Variants in GABRB1 observed in about 807,000 individuals in gnomAD.
GABRB1 encodes gamma-aminobutyric acid receptor subunit beta-1.
GABRB1 carries 17 observed loss-of-function variants against 51.6 expected under a neutral mutation model. The observed-to-expected ratio is 0.33, with a 90% CI of 0.23 to 0.49. The LOEUF (loss-of-function observed/expected upper bound fraction) is 0.49, where lower values mean the gene tolerates loss of function less well. GABRB1 is among the 20% of genes least tolerant of loss of function. The pLI is 0.99. For missense variants in GABRB1, 410 were observed against 600.6 expected (o/e 0.68, Z 3.32); for synonymous variants, 247 against 218.9 (o/e 1.13, Z -1.14).
intron 3 of GABRB1, among the ~76,000 whole-genome samples, chr4:47,094,229 C>T (rs1339882387): frequency 2.4e-5 from 3 of 126,614 alleles, no homozygotes; most frequent in Admixed American, 8.2e-5. Flanking sequence ...TCTTTTTTCT[C>T]TTTTTTTTTT....
At chr4:47,165,856 C>T (rs898924506) in intron 4 of GABRB1, among the ~76,000 whole-genome samples, 1 of 152,102 alleles carries the variant, frequency 6.6e-6, no homozygotes, top group Admixed American at 6.6e-5. Flanking sequence ...TTCCCAAGTG[C>T]TAATGAAATT....
chr4:47,069,058 A>G (rs1727203674), intron 3 of GABRB1, among the ~76,000 whole-genome samples: 1 of 152,050 alleles, frequency 6.6e-6, no homozygotes, highest in Non-Finnish European at 1.5e-5. Context: ...TCTTTCCTCC[A>G]TTTCCATTTT....
rs191623633 is a variant in GABRB1, at chr4:47,163,205, C to T, written c.461+1736C>T. ...AGTATATCAGTTGTATAGTAATGGG[C>T]TAATACCCCCTTACTCATTATTGGA... On this transcript the variant is annotated intron_variant, in intron 4 of 8. Transcript: ENST00000295454. Among the ~76,000 whole-genome samples, 6 of 152,082 alleles carry T rather than the reference C, an allele frequency of 3.9e-5. No individual in the cohort carries two copies. In the East Asian group the frequency reaches 9.7e-4, roughly 25 times the overall value.
chr4:47,063,732 C>A (rs1460796694), intron 3 of GABRB1, among the ~76,000 whole-genome samples: 1 of 152,140 alleles, frequency 6.6e-6, no homozygotes, highest in Non-Finnish European at 1.5e-5. Flanking sequence ...AGATCATGTT[C>A]TTTGCAGGGA....
intron 4 of GABRB1, among the ~76,000 whole-genome samples, chr4:47,259,282 T>C (rs915756793): frequency 2.6e-5 from 4 of 152,060 alleles, no homozygotes; most frequent in Admixed American, 6.6e-5. Flanking sequence ...GTTTAATGAT[T>C]TGGGTGATCC....
chr4:47,128,025 T>C (rs1242385786), intron 3 of GABRB1, among the ~76,000 whole-genome samples: 2 of 151,744 alleles, frequency 1.3e-5, no homozygotes, highest in African/African-American at 4.8e-5. Context: ...TCATTAATTA[T>C]ATTAAATATA....
intron 7 of GABRB1, among the ~76,000 whole-genome samples, chr4:47,405,917 G>A (rs1001353790): frequency 2.6e-5 from 4 of 152,058 alleles, no homozygotes; most frequent in African/African-American, 9.7e-5. Context: ...AACAAAATCT[G>A]TCTTTTATGA....
intron 1 of GABRB1, among the ~76,000 whole-genome samples, chr4:47,023,187 G>A (rs182616591): frequency 6.6e-6 from 1 of 151,966 alleles, no homozygotes; most frequent in Non-Finnish European, 1.5e-5. Context: ...GAAGAGTAGT[G>A]GGGGGCCTGA....
intron 8 of GABRB1, among the ~76,000 whole-genome samples, chr4:47,413,691 T>C (rs1728830259): frequency 6.6e-6 from 1 of 152,228 alleles, no homozygotes; most frequent in Non-Finnish European, 1.5e-5. Context: ...AGAGTGGCCT[T>C]GTTCAGTTGT....
chr4:47,194,631 C>G (rs1719573841), intron 4 of GABRB1, among the ~76,000 whole-genome samples: 1 of 152,150 alleles, frequency 6.6e-6, no homozygotes, highest in African/African-American at 2.4e-5. Context: ...ATCAGTGCTG[C>G]ACAAAAGTTA....
upstream of GABRB1, among the ~76,000 whole-genome samples, chr4:47,026,844 T>C (rs1389150566): frequency 1.3e-5 from 2 of 152,060 alleles, no homozygotes; most frequent in Non-Finnish European, 2.9e-5. Flanking sequence ...TATTTTATGC[T>C]GGCAACATTT....
At chr4:47,386,294 T>A (rs1727792627) in intron 5 of GABRB1, among the ~76,000 whole-genome samples, 1 of 152,162 alleles carries the variant, frequency 6.6e-6, no homozygotes, top group South Asian at 2.1e-4. Flanking sequence ...GTGTCAGGAA[T>A]GAGGGACAAA....
intron 1 of GABRB1, among the ~76,000 whole-genome samples, chr4:47,019,625 C>CTCTCTCTCTCTTTCTCTCTTTCTT (rs1274221477): frequency 1.1e-5 from 1 of 91,062 alleles, no homozygotes. Context: ...TTCTTTCTCT[C>CTCTCTCTCTCTTTCTCTCTTTCTT]TCTTTCTTTC....
chr4:47,110,230 A>T (rs1227432886), intron 3 of GABRB1, among the ~76,000 whole-genome samples: 1 of 152,086 alleles, frequency 6.6e-6, no homozygotes, highest in Non-Finnish European at 1.5e-5. Context: ...CCATCATCCC[A>T]TCTTCCATCT....
chr4:47,359,269 G>C (rs181820532), intron 5 of GABRB1, among the ~76,000 whole-genome samples: 39 of 152,242 alleles, frequency 2.6e-4, no homozygotes, highest in Admixed American at 2.2e-3. Flanking sequence ...CCCCTTAGCA[G>C]TGAACATCAT....
At chr4:47,176,999 C>T (rs1718731340) in intron 4 of GABRB1, among the ~76,000 whole-genome samples, 1 of 152,112 alleles carries the variant, frequency 6.6e-6, no homozygotes, top group South Asian at 2.1e-4. Flanking sequence ...TGAAACCAGT[C>T]ATCTGATTTC....
intron 4 of GABRB1, among the ~76,000 whole-genome samples, chr4:47,309,314 A>G (rs1724581316): frequency 6.6e-6 from 1 of 151,670 alleles, no homozygotes; most frequent in African/African-American, 2.4e-5. Context: ...ACTGCTTTTC[A>G]TATTTATAAA....
chr4:47,351,770 T>C (rs1017678837), intron 5 of GABRB1, among the ~76,000 whole-genome samples: 2 of 151,874 alleles, frequency 1.3e-5, no homozygotes, highest in Admixed American at 1.3e-4. Context: ...TAGTATTCCA[T>C]GGTGTATATG....
At chr4:47,005,033 G>A (rs1232020666) in intron 1 of GABRB1, among the ~76,000 whole-genome samples, 5 of 152,186 alleles carry the variant, frequency 3.3e-5, no homozygotes, top group Non-Finnish European at 5.9e-5. Context: ...AGCCAAGAGT[G>A]GGCCTAGGGG....
Sources: allele counts gnomAD v4.1 joint callset (sites outside exome capture counted in the v4.1 genomes callset), GRCh38; gene constraint gnomAD v4.1.1; transcripts MANE v1.5; gene names NCBI Gene and HGNC (gene_info 2026-07-23, HGNC 2026-07-21).